Variants in SMIM35 observed in about 807,000 individuals in gnomAD.
The protein encoded by SMIM35 is small integral membrane protein 35, also known as TMPRSS4 antisense RNA 1 (non-protein coding).
chr11:118,021,040 G>A (rs2058224473), intron 1 of SMIM35, among the ~76,000 whole-genome samples: 1 of 132,274 alleles, frequency 7.6e-6, no homozygotes, highest in Non-Finnish European at 1.6e-5. Context: ...CAAATTCACA[G>A]GGTAAGGTTT....
At chr11:118,070,172 CT>C (rs1296343531) in intron 1 of SMIM35, among the ~76,000 whole-genome samples, 6 of 151,910 alleles carry the variant, frequency 3.9e-5, no homozygotes, top group Admixed American at 6.6e-5. Flanking sequence ...TAGCCAGATT[CT>C]TTTTTTTCCT....
chr11:118,069,891 G>A (rs559537930), intron 1 of SMIM35, among the ~76,000 whole-genome samples: 4 of 152,074 alleles, frequency 2.6e-5, no homozygotes, highest in South Asian at 2.1e-4. Context: ...GCAAAACCCC[G>A]TCTCTGCTAA....
At chr11:118,042,769 A>G (rs1241951557) in intron 1 of SMIM35, among the ~76,000 whole-genome samples, 1 of 152,230 alleles carries the variant, frequency 6.6e-6, no homozygotes, top group East Asian at 1.9e-4. Context: ...ATACTAGCAA[A>G]CCAATTCCAG....
At chr11:118,042,068 A>AAAGAG (rs1555073518) in intron 1 of SMIM35, among the ~76,000 whole-genome samples, 32 of 117,882 alleles carry the variant, frequency 2.7e-4, no homozygotes, top group Admixed American at 2.9e-4. Flanking sequence ...AAAAAAAAAA[A>AAAGAG]AGAGAGAGAG....
intron 1 of SMIM35, among the ~76,000 whole-genome samples, chr11:118,023,824 G>A (rs1368427576): frequency 2.6e-5 from 4 of 152,128 alleles, no homozygotes; most frequent in Non-Finnish European, 4.4e-5. Context: ...CTTGAGGTCA[G>A]GAGTTCCAGA....
At chr11:118,019,417 C>T (rs560427375) in intron 1 of SMIM35, among the ~76,000 whole-genome samples, 1 of 152,108 alleles carries the variant, frequency 6.6e-6, no homozygotes. Flanking sequence ...GCCCAGCAGT[C>T]AAATTGAGGA....
At chr11:118,047,868 A>C (rs1260691993) in intron 1 of SMIM35, among the ~76,000 whole-genome samples, 3 of 152,154 alleles carry the variant, frequency 2.0e-5, no homozygotes, top group African/African-American at 7.2e-5. Context: ...TGAGTGCCTA[A>C]GCTTTGCTAG....
chr11:118,056,272 G>A (rs866863302), intron 1 of SMIM35, among the ~76,000 whole-genome samples: 5 of 152,278 alleles, frequency 3.3e-5, no homozygotes, highest in African/African-American at 1.2e-4. Context: ...TCATCCTGGA[G>A]AGATGATGGG....
chr11:118,074,439 C>A (rs1016317144), intron 1 of SMIM35, among the ~76,000 whole-genome samples: 7 of 152,102 alleles, frequency 4.6e-5, no homozygotes, highest in Non-Finnish European at 8.8e-5. Flanking sequence ...AGAGCTGAGG[C>A]TTCCTCCGGG....
At chr11:118,064,263 C>A (rs1241418527) in intron 1 of SMIM35, among the ~76,000 whole-genome samples, 1 of 152,150 alleles carries the variant, frequency 6.6e-6, no homozygotes, top group African/African-American at 2.4e-5. Context: ...CCTAACACAC[C>A]AATCTATATC....
At position 118,015,925 on chromosome 11, in the gene SMIM35, G is replaced by GC. The variant is rs1421950090; in HGVS notation, c.8-117dup. On this transcript the variant is annotated intron_variant, in intron 1 of 4. Transcript: ENST00000689828. Reference sequence around the variant, plus strand: ...CTACCAACATAACTGTCCCCTGGGAGCCTTGCTCTGAGCCCAGTGATTCAG... The same window carrying GC: ...CTACCAACATAACTGTCCCCTGGGAGCCCTTGCTCTGAGCCCAGTGATTCAG... 1.0e-5 allele frequency: 4 copies of GC among 397,940 alleles called. No homozygotes were observed. The East Asian group carries it at 1.4e-4, about 14-fold the overall frequency. The allele number at this position is 397,940 out of a possible 1,614,324, so 24.7% of individuals were successfully genotyped here.
In SMIM35 at chr11:118,012,862, C is replaced by T. The variant is rs537827699; in HGVS notation, c.*33+886G>A. 4.6e-5 allele frequency among the ~76,000 whole-genome samples: 7 copies of T among 152,272 alleles called. No individual in the cohort carries two copies. The East Asian group carries it at 9.6e-4, about 21-fold the overall frequency. On this transcript the variant is annotated intron_variant, in intron 4 of 4. Transcript: ENST00000689828. ...TGAAGCTATGAGTGGCTTTCTGGCC[C>T]CTGGTCAACCCTACAAGGGCAGGTA...
At chr11:118,044,783 A>AAAG (rs1184846979) in intron 1 of SMIM35, among the ~76,000 whole-genome samples, 2 of 111,550 alleles carry the variant, frequency 1.8e-5, no homozygotes, top group African/African-American at 3.3e-5. Flanking sequence ...AAAAAAAAAA[A>AAAG]AAAAAAGTTC....
intron 1 of SMIM35, among the ~76,000 whole-genome samples, chr11:118,045,330 G>GCGCACACACA (rs1555073986): frequency 4.8e-5 from 7 of 146,014 alleles, no homozygotes; most frequent in Admixed American, 4.2e-4. Context: ...ATACACACAT[G>GCGCACACACA]CACACACACA....
rs59910847 is a variant in SMIM35, at chr11:118,048,537, A to AGAAGGAAGGAAG, written c.8-32740_8-32729dup. Reference sequence around the variant, plus strand: ...CAATAAGAAAGAAAGGAAGAAAGAAAGAAGGAAGGAAGGAAGGAAGGAAGG... The same window carrying AGAAGGAAGGAAG: ...CAATAAGAAAGAAAGGAAGAAAGAAAGAAGGAAGGAAGGAAGGAAGGAAGGAAGGAAGGAAGG... On this transcript the variant is annotated intron_variant, in intron 1 of 4. Transcript: ENST00000689828. Among the ~76,000 whole-genome samples, 335 of 122,840 alleles carry AGAAGGAAGGAAG rather than the reference A, an allele frequency of 2.7e-3. 1 individual carries two copies. Among genetic ancestry groups the AGAAGGAAGGAAG allele is most frequent in the East Asian group, 0.016 (66 of 4,244 alleles). 80.6% of individuals were successfully genotyped at this position (122,840 alleles called of 152,430 possible).
At chr11:118,069,620 G>C (rs1392832311) in intron 1 of SMIM35, among the ~76,000 whole-genome samples, 1 of 152,172 alleles carries the variant, frequency 6.6e-6, no homozygotes, top group Non-Finnish European at 1.5e-5. Flanking sequence ...GCTTCAGCGT[G>C]TGTCCCCAAA....
chr11:118,070,436 C>T (rs1944553597), intron 1 of SMIM35, among the ~76,000 whole-genome samples: 1 of 152,184 alleles, frequency 6.6e-6, no homozygotes, highest in Non-Finnish European at 1.5e-5. Context: ...CTCGGCCTCC[C>T]AAAGTGCCCG....
Position 118,044,772 on chromosome 11 carries a change from C to CAAAA in SMIM35, c.8-28967_8-28964dup, listed in dbSNP as rs35072099. ...CTGGGCAAGAGTGAGACTCCATCTC[C>CAAAA]AAAAAAAAAAAAAAAAAGTTCATTC... On this transcript the variant is annotated intron_variant, in intron 1 of 4. Transcript: ENST00000689828. Among the ~76,000 whole-genome samples the CAAAA allele has an allele frequency of 3.0e-4, 28 of 94,696 alleles. 2 individuals carry two copies. The highest frequency in any genetic ancestry group is 1.2e-3 in the African/African-American group (27 of 22,832). 62.1% of individuals were successfully genotyped at this position (94,696 alleles called of 152,430 possible). A position where few individuals can be genotyped will look rare whatever the true frequency, so the allele number is the denominator to read the frequency against.
rs141897079 is a variant in SMIM35 at position 118,048,251 on chromosome 11, G to A, written c.8-32442C>T. ...TTAAGAAAAATATTAGGCCGGGCACGGTGGCTCACAGTTGTAATCCCGCTG... is the reference window on the plus strand; with the variant it reads ...TTAAGAAAAATATTAGGCCGGGCACAGTGGCTCACAGTTGTAATCCCGCTG... On this transcript the variant is annotated intron_variant, in intron 1 of 4. Coordinates refer to ENST00000689828, the MANE Select transcript of SMIM35 (RefSeq NM_001394165.1). Among the ~76,000 whole-genome samples, 432 of 152,310 alleles carry A rather than the reference G, an allele frequency of 2.8e-3. 3 individuals carry two copies. Among genetic ancestry groups the A allele is most frequent in the African/African-American group, 9.9e-3 (410 of 41,576 alleles).
Sources: allele counts gnomAD v4.1 joint callset (sites outside exome capture counted in the v4.1 genomes callset), GRCh38; gene constraint gnomAD v4.1.1; transcripts MANE v1.5; gene names NCBI Gene and HGNC (gene_info 2026-07-23, HGNC 2026-07-21).